ZNF439: variants seen among roughly 807,000 people sequenced by gnomAD.
ZNF439 encodes zinc finger protein 439.
A neutral mutation model predicts 47.3 loss-of-function variants in ZNF439; 40 were observed. The ratio of observed to expected loss-of-function variants is 0.85; its 90% CI spans 0.66 to 1.10. ZNF439 has a LOEUF of 1.10. Among genes scored for constraint, ZNF439 ranks in the 50% least tolerant of loss-of-function variants. ZNF439 has a pLI of 0.00. For missense variants in ZNF439, 556 were observed against 601.1 expected, an observed-to-expected ratio of 0.93 and a Z score of 0.78; for synonymous variants, 171 against 198.8, an observed-to-expected ratio of 0.86 and a Z score of 1.18.
At chr19:11,855,102 C>T (rs1437234892) in intron 1 of ZNF439, among the ~76,000 whole-genome samples, 6 of 152,166 alleles carry the variant, frequency 3.9e-5, no homozygotes, top group African/African-American at 7.2e-5. Flanking sequence ...GCCTGCTCCA[C>T]ACCAAGCAAT....
At chr19:11,861,165 T>C (rs887541816) in intron 1 of ZNF439, among the ~76,000 whole-genome samples, 2 of 152,222 alleles carry the variant, frequency 1.3e-5, no homozygotes, top group Non-Finnish European at 2.9e-5. Flanking sequence ...CAGTGAAATC[T>C]GTGTCTGAAC....
At chr19:11,866,112 C>T (rs764970850) in intron 1 of ZNF439, 93 bp from the exon 2 acceptor site, 1 of 1,582,564 alleles carries the variant, frequency 6.3e-7, no homozygotes, top group Non-Finnish European at 8.6e-7. Flanking sequence ...TGTTTGGAGT[C>T]CACGGCATCC....
intron 1 of ZNF439, chr19:11,857,936 G>A (rs2145166034): frequency 6.6e-6 from 1 of 152,312 alleles, no homozygotes; most frequent in South Asian, 2.1e-4. Context: ...GATTTGATCT[G>A]TAGGAGTGGC....
At chr19:11,857,136 A>G (rs1376553517) in intron 1 of ZNF439, 1 of 152,208 alleles carries the variant, frequency 6.6e-6, no homozygotes, top group African/African-American at 2.4e-5. Flanking sequence ...TGGAAGAGCC[A>G]TCGGTAAAAT....
Position 11,868,583 on chromosome 19 carries a change from G to A in ZNF439, c.*14G>A, listed in dbSNP as rs1568263456. ...AAGACCTTATAAATATAAGATATAT[G>A]GGAAACACTTTTATTCTGCCAAGTT... is the stretch of plus-strand genomic sequence containing the variant. On this transcript the variant is annotated 3_prime_UTR_variant, in exon 4 of 4. Transcript: ENST00000682736. 1.3e-6 allele frequency: 2 copies of A among 1,589,428 alleles called. No homozygotes were observed. The highest frequency in any genetic ancestry group is 4.5e-5 in the East Asian group (2 of 44,686).
intron 1 of ZNF439, among the ~76,000 whole-genome samples, chr19:11,862,848 C>T (rs1015041497): frequency 6.6e-6 from 1 of 151,752 alleles, no homozygotes; most frequent in African/African-American, 2.4e-5. Context: ...TCCCCAGTTC[C>T]AGTGATTCTT....
chr19:11,860,256 A>G (rs141754716), intron 1 of ZNF439, among the ~76,000 whole-genome samples: 29 of 152,288 alleles, frequency 1.9e-4, no homozygotes, highest in Non-Finnish European at 2.9e-4. Flanking sequence ...CCTGCCTAAC[A>G]TGGTGAAACC....
At position 11,866,617 on chromosome 19, in the gene ZNF439, G is replaced by A. The variant is rs749288272; in HGVS notation, c.251+20G>A. On this transcript the variant is annotated intron_variant, in intron 3 of 3. Transcript: ENST00000682736. ...CTTCAGGTAATTTGCACTTATAAGA[G>A]AAAGCAGTGTCTCTCTACACGATCT... is the stretch of plus-strand genomic sequence containing the variant. The A allele has an allele frequency of 2.5e-6, 4 of 1,607,312 alleles. No individual in the cohort carries two copies. The East Asian group carries it at 8.9e-5, about 36-fold the overall frequency.
At chr19:11,859,627 G>A (rs1976486793) in intron 1 of ZNF439, among the ~76,000 whole-genome samples, 2 of 152,164 alleles carry the variant, frequency 1.3e-5, no homozygotes, top group African/African-American at 4.8e-5. Context: ...TCTAGTGGGG[G>A]TGTGTTCATG....
chr19:11,863,132 G>A (rs1469415723), intron 1 of ZNF439, among the ~76,000 whole-genome samples: 1 of 146,708 alleles, frequency 6.8e-6, no homozygotes, highest in Non-Finnish European at 1.5e-5. Flanking sequence ...TTAGAGAGAG[G>A]TATGCTTGGA....
intron 1 of ZNF439, 129 bp from the exon 2 acceptor site, chr19:11,866,076 A>G: frequency 6.5e-7 from 1 of 1,534,684 alleles, no homozygotes; most frequent in Admixed American, 2.2e-5. Context: ...AGAGAAAGGG[A>G]TCTGATGACC....
chr19:11,848,737 A>G lies in ZNF439; in HGVS notation c.-131A>G. On this transcript the variant is annotated 5_prime_UTR_variant, in exon 1 of 4. Transcript: ENST00000682736. ...TCGGGGCCCTGCCCACTGTGCATCC[A>G]GGCACGGAGGATGTTGCATTCCTGC... 8.4e-7 allele frequency: 1 copy of G among 1,185,634 alleles called. No homozygotes were observed. Among genetic ancestry groups the G allele is most frequent in the South Asian group, 1.5e-5 (1 of 65,446 alleles). The allele number at this position is 1,185,634 out of a possible 1,614,324, so 73.4% of individuals were successfully genotyped here. A position where few individuals can be genotyped will look rare whatever the true frequency, so the allele number is the denominator to read the frequency against.
chr19:11,859,671 T>C (rs1165180207), intron 1 of ZNF439, among the ~76,000 whole-genome samples: 1 of 152,130 alleles, frequency 6.6e-6, no homozygotes, highest in African/African-American at 2.4e-5. Flanking sequence ...AATCGGGCCT[T>C]ATGGAAATAG....
chr19:11,854,546 T>C (rs1466932696), intron 1 of ZNF439, among the ~76,000 whole-genome samples: 3 of 152,148 alleles, frequency 2.0e-5, no homozygotes, highest in Non-Finnish European at 2.9e-5. Context: ...GATTACAAGG[T>C]CAGGAGTTCG....
chr19:11,850,871 A>C (rs1976218671), intron 1 of ZNF439: 1 of 152,178 alleles, frequency 6.6e-6, no homozygotes, highest in Admixed American at 6.5e-5. Context: ...CTCTTCCAAA[A>C]ATAAGAAAAA....
intron 1 of ZNF439, 45 bp from the exon 2 acceptor site, chr19:11,866,160 C>G (rs376123117): frequency 1.9e-6 from 3 of 1,612,798 alleles, no homozygotes; most frequent in Non-Finnish European, 8.5e-7. Context: ...GCCCCCAATG[C>G]TGTCACTCTC....
At chr19:11,861,388 C>T (rs887488055) in intron 1 of ZNF439, among the ~76,000 whole-genome samples, 1 of 152,294 alleles carries the variant, frequency 6.6e-6, no homozygotes, top group Admixed American at 6.5e-5. Context: ...CTCGGGCTGA[C>T]TCAAGTTCCC....
rs1976798061 is a variant in ZNF439, at chr19:11,869,050, CGA to C, written c.*488_*489del. Reference sequence around the variant, plus strand: ...TTGCATATACATGAAAGGACTCATACGAGAGAGAATCCGTATGAATGTAAGGA... The same window carrying C: ...TTGCATATACATGAAAGGACTCATACGAGAGAATCCGTATGAATGTAAGGA... On this transcript the variant is annotated 3_prime_UTR_variant, in exon 4 of 4. Transcript: ENST00000682736. 3 of 254,104 alleles carry C rather than the reference CGA, an allele frequency of 1.2e-5. No homozygotes were observed. The highest frequency in any genetic ancestry group is 1.6e-5 in the Non-Finnish European group (2 of 122,022). 15.7% of individuals were successfully genotyped at this position (254,104 alleles called of 1,614,324 possible). A position where few individuals can be genotyped will look rare whatever the true frequency, so the allele number is the denominator to read the frequency against.
intron 3 of ZNF439, among the ~76,000 whole-genome samples, 160 bp downstream of exon 3, chr19:11,866,757 G>C (rs11671596): frequency 0.21 from 32,173 of 152,166 alleles, 4,413 homozygotes; most frequent in Non-Finnish European, 0.31. Flanking sequence ...GATCAAGGCT[G>C]AGGGCTCACT....
Sources: allele counts gnomAD v4.1 joint callset (sites outside exome capture counted in the v4.1 genomes callset), GRCh38; gene constraint gnomAD v4.1.1; transcripts MANE v1.5; gene names NCBI Gene and HGNC (gene_info 2026-07-23, HGNC 2026-07-21).